Variants in FIGN observed in about 807,000 individuals in gnomAD.
FIGN encodes fidgetin, microtubule severing factor.
In FIGN, 11 loss-of-function variants were observed where a neutral mutation model predicts 51.3. The ratio of observed to expected loss-of-function variants is 0.21; its 90% confidence interval spans 0.13 to 0.35. The LOEUF (loss-of-function observed/expected upper bound fraction) is 0.35. Among genes scored for constraint, FIGN ranks in the 10% least tolerant of loss-of-function variants. The probability of loss-of-function intolerance (pLI) is 1.00; values close to 1 mark genes in which losing one functional copy is unlikely to be tolerated. For missense variants in FIGN, 857 were observed against 943.6 expected (o/e 0.91, Z 1.20); for synonymous variants, 407 against 363.2 (o/e 1.12, Z -1.37).
chr2:163,603,966 T>C lies in FIGN; in HGVS notation c.*5586A>G, dbSNP rs771400098. On this transcript the variant is annotated 3_prime_UTR_variant, in exon 3 of 3. Coordinates refer to ENST00000333129, the MANE Select transcript of FIGN (RefSeq NM_018086.4). ...AACAAATACATGTTATAAAGGGAAA[T>C]CAGAAACAAAATGCTTTCAGTTATG... 1.3e-5 allele frequency: 2 copies of C among 152,078 alleles called. No homozygotes were observed. Among genetic ancestry groups the C allele is most frequent in the Non-Finnish European group, 2.9e-5 (2 of 67,980 alleles). 9.4% of individuals were successfully genotyped at this position (152,078 alleles called of 1,614,324 possible).
At chr2:163,700,671 G>A (rs555281493) in intron 2 of FIGN, among the ~76,000 whole-genome samples, 1 of 152,116 alleles carries the variant, frequency 6.6e-6, no homozygotes, top group Non-Finnish European at 1.5e-5. Flanking sequence ...CATTGGAAGA[G>A]GGAAATGGAA....
intron 2 of FIGN, among the ~76,000 whole-genome samples, chr2:163,686,742 G>C (rs1419913393): frequency 1.3e-5 from 2 of 148,902 alleles, no homozygotes; most frequent in Non-Finnish European, 3.0e-5. Context: ...ATATACCTGT[G>C]TTTATGTATG....
chr2:163,664,409 ATTGT>A (rs1233782416), intron 2 of FIGN, among the ~76,000 whole-genome samples: 2 of 152,116 alleles, frequency 1.3e-5, no homozygotes, highest in Non-Finnish European at 2.9e-5. Context: ...TAAGATTCTT[ATTGT>A]TTATTAAATT....
chr2:163,721,604 C>T (rs1350507573), intron 2 of FIGN, among the ~76,000 whole-genome samples: 1 of 152,102 alleles, frequency 6.6e-6, no homozygotes, highest in African/African-American at 2.4e-5. Context: ...AACATTTGTC[C>T]ATTATAGCTC....
At chr2:163,680,674 G>A (rs967775421) in intron 2 of FIGN, among the ~76,000 whole-genome samples, 4 of 151,994 alleles carry the variant, frequency 2.6e-5, no homozygotes, top group African/African-American at 9.7e-5. Context: ...TTCTTCAGAG[G>A]TCAGATAAAC....
chr2:163,652,102 T>C (rs1385219414), intron 2 of FIGN, among the ~76,000 whole-genome samples: 2 of 152,148 alleles, frequency 1.3e-5, no homozygotes, highest in East Asian at 1.9e-4. Context: ...TGCCCCTCTA[T>C]CCGCAGCTCA....
At position 163,644,099 on chromosome 2, in the gene FIGN, G is replaced by T. The variant is rs115150420; in HGVS notation, c.26-32293C>A. 3.2e-3 allele frequency among the ~76,000 whole-genome samples: 489 copies of T among 151,960 alleles called. 4 individuals are homozygous for T. Among genetic ancestry groups the T allele is most frequent in the African/African-American group, 0.011 (465 of 41,446 alleles). ...CACCAAAAGAAAAATAGATAAATTAGACTTTACTGAAATTAAAAACGTTTT... is the reference window on the plus strand; with the variant it reads ...CACCAAAAGAAAAATAGATAAATTATACTTTACTGAAATTAAAAACGTTTT... On this transcript the variant is annotated intron_variant, in intron 2 of 2. Coordinates refer to ENST00000333129, the MANE Select transcript of FIGN (RefSeq NM_018086.4).
At chr2:163,704,345 G>A (rs1310470728) in intron 2 of FIGN, among the ~76,000 whole-genome samples, 1 of 151,978 alleles carries the variant, frequency 6.6e-6, no homozygotes, top group Non-Finnish European at 1.5e-5. Context: ...GTAAACTGAG[G>A]CATAAAGTGG....
At chr2:163,685,065 G>A (rs955497578) in intron 2 of FIGN, among the ~76,000 whole-genome samples, 1 of 151,750 alleles carries the variant, frequency 6.6e-6, no homozygotes, top group African/African-American at 2.4e-5. Flanking sequence ...GATTATAGGC[G>A]TGAGCTACCG....
In FIGN at chr2:163,669,751, C is replaced by T. The variant is rs536036361; in HGVS notation, c.26-57945G>A. Among the ~76,000 whole-genome samples the T allele has an allele frequency of 6.6e-5, 10 of 152,322 alleles. No homozygotes were observed. In the South Asian group the frequency reaches 2.1e-3, roughly 32 times the overall value. On this transcript the variant is annotated intron_variant, in intron 2 of 2. Transcript: ENST00000333129. ...CACAAGTCATAATCTGCCAAACAAACTCCCAAAGAAATGAAACTTAATATA... is the reference window on the plus strand; with the variant it reads ...CACAAGTCATAATCTGCCAAACAAATTCCCAAAGAAATGAAACTTAATATA...
At position 163,610,499 on chromosome 2, in the gene FIGN, G is replaced by A. The variant is rs897338033; in HGVS notation, c.1333C>T (p.Pro445Ser). The change falls in exon 3 of 3, where the codon CCT becomes TCT. Residue 445 changes from proline to serine, a missense_variant. Physicochemically the swap from Pro to Ser is moderately conservative, Grantham distance 74 (BLOSUM62 -1). Coordinates refer to ENST00000333129, the MANE Select transcript of FIGN (RefSeq NM_018086.4). ...RQLLSHPMQGPGLRAATSSNH... is the reference protein window; with the variant it reads ...RQLLSHPMQGSGLRAATSSNH... ...GATGAGGTAGCTGCACGGAGTCCAG[G>A]GCCTTGCATTGGGTGAGAGAGGAGC... 3.7e-6 allele frequency: 6 copies of A among 1,613,950 alleles called. 1 individual carries two copies. The highest frequency in any genetic ancestry group is 3.3e-5 in the South Asian group (3 of 91,068).
chr2:163,624,827 C>T (rs1218757414), intron 2 of FIGN, among the ~76,000 whole-genome samples: 2 of 151,602 alleles, frequency 1.3e-5, no homozygotes, highest in Admixed American at 1.3e-4. Flanking sequence ...TAATAAACCA[C>T]TCTTTAGAAA....
In FIGN at chr2:163,611,149, G is replaced by A. The variant is rs750774041; in HGVS notation, c.683C>T (p.Pro228Leu). The A allele has an allele frequency of 5.0e-6, 8 of 1,614,032 alleles. No homozygotes were observed. Among genetic ancestry groups the A allele is most frequent in the Non-Finnish European group, 5.9e-6 (7 of 1,180,028 alleles). The change falls in exon 3 of 3, where the codon CCG becomes CTG. Residue 228 changes from proline (P) to leucine (L), a missense_variant. Physicochemically the swap from Pro to Leu is moderately conservative, Grantham distance 98. Coordinates refer to ENST00000333129, the MANE Select transcript of FIGN (RefSeq NM_018086.4). ...GTAGCCTGGGACCAAGGCTGGTGGC[G>A]GAGGAGGTGGTGGTGGGGGCTGTAG... ...GLLQPPPPPPPPPALVPGYNG... is the reference protein window; with the variant it reads ...GLLQPPPPPPLPPALVPGYNG...
chr2:163,725,404 A>G (rs768346243), intron 2 of FIGN, among the ~76,000 whole-genome samples: 15 of 152,154 alleles, frequency 9.9e-5, no homozygotes, highest in Non-Finnish European at 1.8e-4. Flanking sequence ...GCCCTAAGCA[A>G]AGGACACCAA....
rs751848395 is a variant in FIGN, at chr2:163,610,409, C to T, written c.1423G>A (p.Glu475Lys). 6.2e-7 allele frequency: 1 copy of T among 1,614,120 alleles called. No individual in the cohort carries two copies. Among genetic ancestry groups the T allele is most frequent in the Non-Finnish European group, 8.5e-7 (1 of 1,180,022 alleles). Residue 475 changes from glutamate (E) to lysine (K), a missense_variant, in exon 3 of 3, where the codon GAG becomes AAG. Coordinates refer to ENST00000333129, the MANE Select transcript of FIGN (RefSeq NM_018086.4). Reference sequence around the variant, plus strand: ...ACTGGAGGTCCTTGGGTGATAATCTCATTGGTTACCAGGTCGATGAGGTGC... The same window carrying T: ...ACTGGAGGTCCTTGGGTGATAATCTTATTGGTTACCAGGTCGATGAGGTGC... ...DTHLIDLVTNEIITQGPPVDW... is the reference protein window; with the variant it reads ...DTHLIDLVTNKIITQGPPVDW...
At chr2:163,626,835 T>C (rs941591816) in intron 2 of FIGN, among the ~76,000 whole-genome samples, 6 of 152,150 alleles carry the variant, frequency 3.9e-5, no homozygotes, top group African/African-American at 1.4e-4. Flanking sequence ...AAAACCGAGA[T>C]AGTGACGAAA....
intron 2 of FIGN, among the ~76,000 whole-genome samples, chr2:163,700,040 AAAG>A (rs1370682274): frequency 2.0e-5 from 3 of 152,190 alleles, no homozygotes; most frequent in Admixed American, 6.5e-5. Flanking sequence ...ATTGGAAAGG[AAAG>A]AAGGAGGAGG....
Position 163,606,353 on chromosome 2 carries a change from G to A in FIGN, c.*3199C>T, listed in dbSNP as rs1691112097. ...TTCTATTGATCCCAATACTGAAGTG[G>A]TTTCCTTCACTTCCTTTTTGTCCCT... On this transcript the variant is annotated 3_prime_UTR_variant, in exon 3 of 3. Coordinates refer to ENST00000333129, the MANE Select transcript of FIGN (RefSeq NM_018086.4). 1 of 152,136 alleles carries A rather than the reference G, an allele frequency of 6.6e-6. No homozygotes were observed. 9.4% of individuals were successfully genotyped at this position (152,136 alleles called of 1,614,324 possible). A position where few individuals can be genotyped will look rare whatever the true frequency, so the allele number is the denominator to read the frequency against.
intron 2 of FIGN, among the ~76,000 whole-genome samples, chr2:163,648,765 C>T (rs1367238126): frequency 2.6e-5 from 4 of 152,194 alleles, no homozygotes; most frequent in Non-Finnish European, 5.9e-5. Context: ...CATCAGTGCT[C>T]CCATACCGTA....
Sources: allele counts gnomAD v4.1 joint callset (sites outside exome capture counted in the v4.1 genomes callset), GRCh38; gene constraint gnomAD v4.1.1; transcripts MANE v1.5; gene names NCBI Gene and HGNC (gene_info 2026-07-23, HGNC 2026-07-21).